Variants in ZMIZ1 observed in about 807,000 individuals in gnomAD.
The protein encoded by ZMIZ1 is zinc finger MIZ domain-containing protein 1.
Under a neutral mutation model 113.9 loss-of-function variants are expected in ZMIZ1, and 17 were observed. That is an observed-to-expected ratio of 0.15 (90% CI 0.10 to 0.22). ZMIZ1 has a LOEUF of 0.22. Among genes scored for constraint, ZMIZ1 ranks in the 10% least tolerant of loss-of-function variants. The pLI is 1.00. For missense variants in ZMIZ1, 1,059 were observed against 1,477.8 expected, an observed-to-expected ratio of 0.72 and a Z score of 4.65; for synonymous variants, 607 against 603.1, an observed-to-expected ratio of 1.01 and a Z score of -0.09.
Position 79,118,916 on chromosome 10 carries a change from A to G in ZMIZ1, c.-335A>G. On this transcript the variant is annotated splice_region_variant and 5_prime_UTR_variant, in exon 2 of 25. Coordinates refer to ENST00000334512, the MANE Select transcript of ZMIZ1 (RefSeq NM_020338.4). This position sits in a 1 kb window ranked among gnomAD's most constrained non-coding sequence, Gnocchi z 4.1. Reference sequence around the variant, plus strand: ...TGCCCCCTTTCTTGTCTCCCATAGGACTCACGGCAGCTGTGTTCTGATTTC... The same window carrying G: ...TGCCCCCTTTCTTGTCTCCCATAGGGCTCACGGCAGCTGTGTTCTGATTTC... The G allele has an allele frequency of 6.6e-6, 1 of 152,020 alleles. No individual in the cohort carries two copies. Among genetic ancestry groups the G allele is most frequent in the Non-Finnish European group, 1.5e-5 (1 of 68,006 alleles). 9.4% of individuals were successfully genotyped at this position (152,020 alleles called of 1,614,324 possible).
rs534978947 is a variant in ZMIZ1 at position 79,278,577 on chromosome 10, G to T, written c.425+1252G>T. ...GGTCTCTGGTTTTCCTAGGCAGAGG[G>T]TCCTGCCGCCCTCCGCAGTGTTTGT... is the stretch of plus-strand genomic sequence containing the variant. On this transcript the variant is annotated intron_variant, in intron 8 of 24. Coordinates refer to ENST00000334512, the MANE Select transcript of ZMIZ1 (RefSeq NM_020338.4). 6.7e-3 allele frequency among the ~76,000 whole-genome samples: 972 copies of T among 145,562 alleles called. 5 individuals are homozygous for T. Among genetic ancestry groups the T allele is most frequent in the Middle Eastern group, 0.011 (3 of 268 alleles).
intron 6 of ZMIZ1, 108 bp downstream of exon 6, chr10:79,208,557 A>G: frequency 1.1e-6 from 1 of 922,498 alleles, no homozygotes; most frequent in South Asian, 1.6e-5. Flanking sequence ...AGGTGACACC[A>G]GTGAGAGAGC....
At chr10:79,224,491 C>T (rs773622496) in intron 7 of ZMIZ1, among the ~76,000 whole-genome samples, 3 of 152,080 alleles carry the variant, frequency 2.0e-5, no homozygotes, top group African/African-American at 7.2e-5. Flanking sequence ...CACTGGCCCC[C>T]CTGCCTACAG....
intron 7 of ZMIZ1, among the ~76,000 whole-genome samples, chr10:79,274,349 GCAGA>G (rs1003137161): frequency 6.6e-6 from 1 of 152,112 alleles, no homozygotes; most frequent in Non-Finnish European, 1.5e-5. Context: ...CCTAATTAGA[GCAGA>G]CAGACTTCCC....
chr10:79,200,331 G>A (rs374424203), intron 4 of ZMIZ1, among the ~76,000 whole-genome samples: 2 of 152,320 alleles, frequency 1.3e-5, no homozygotes, highest in East Asian at 3.9e-4. Context: ...GGTGGACTAG[G>A]GCTGTACAGT....
chr10:79,251,062 C>T (rs976657791), intron 7 of ZMIZ1, among the ~76,000 whole-genome samples: 2 of 152,106 alleles, frequency 1.3e-5, no homozygotes, highest in Non-Finnish European at 1.5e-5. Flanking sequence ...TTGTAGAGAT[C>T]GAGGAGGTGA....
intron 2 of ZMIZ1, among the ~76,000 whole-genome samples, chr10:79,123,138 G>A (rs748553321): frequency 2.6e-5 from 4 of 152,202 alleles, no homozygotes; most frequent in Non-Finnish European, 5.9e-5. Context: ...GGCAAAGGCT[G>A]GCCACAGATG....
intron 2 of ZMIZ1, among the ~76,000 whole-genome samples, chr10:79,132,623 A>T (rs1490526448): frequency 6.6e-6 from 1 of 152,176 alleles, no homozygotes; most frequent in Non-Finnish European, 1.5e-5. Context: ...TTTGTTTTGG[A>T]GACTAGAATG....
intron 4 of ZMIZ1, among the ~76,000 whole-genome samples, chr10:79,197,451 C>G (rs1010819985): frequency 2.0e-5 from 3 of 152,186 alleles, no homozygotes; most frequent in Non-Finnish European, 4.4e-5. Flanking sequence ...TGGTTTGTCC[C>G]TGACCCCAGG....
At chr10:79,079,669 G>T (rs1003381081) in intron 1 of ZMIZ1, among the ~76,000 whole-genome samples, 10 of 152,346 alleles carry the variant, frequency 6.6e-5, no homozygotes, top group African/African-American at 2.2e-4. Flanking sequence ...TGAGTGAGTG[G>T]CAGGCAGGCA....
Position 79,292,335 on chromosome 10 carries a change from G to A in ZMIZ1, c.936G>A (p.Lys312=). The A allele has an allele frequency of 6.2e-7, 1 of 1,613,066 alleles. No individual in the cohort carries two copies. Among genetic ancestry groups the A allele is most frequent in the Non-Finnish European group, 8.5e-7 (1 of 1,179,478 alleles). The change falls in exon 11 of 25, where the codon AAG becomes AAA. Residue 312 remains lysine, a synonymous_variant. Coordinates refer to ENST00000334512, the MANE Select transcript of ZMIZ1 (RefSeq NM_020338.4). The stretch of plus-strand genomic sequence containing the variant: ...CAGCCCTGCAGGAGACACAGAACAA[G>A]GATATAAACCAGTATGGACCGGTAA... ...TVAALQETQN[K]DINQYGPMGP...
In ZMIZ1 at chr10:79,101,091, G is replaced by A. The variant is rs74141680; in HGVS notation, c.-336-17824G>A. Among the ~76,000 whole-genome samples the A allele has an allele frequency of 7.1e-3, 1,074 of 152,310 alleles. 13 individuals are homozygous for A. Among genetic ancestry groups the A allele is most frequent in the African/African-American group, 0.025 (1,041 of 41,568 alleles). On this transcript the variant is annotated intron_variant, in intron 1 of 24. Coordinates refer to ENST00000334512, the MANE Select transcript of ZMIZ1 (RefSeq NM_020338.4). Reference sequence around the variant, plus strand: ...GGGGTCCACAGAGGGGCTGCAGGGTGTGGACTTGGCTGCAGCAAGGAGAGA... The same window carrying A: ...GGGGTCCACAGAGGGGCTGCAGGGTATGGACTTGGCTGCAGCAAGGAGAGA...
chr10:79,115,270 C>G (rs541515655), intron 1 of ZMIZ1, among the ~76,000 whole-genome samples: 1 of 152,188 alleles, frequency 6.6e-6, no homozygotes, highest in Non-Finnish European at 1.5e-5. Context: ...CCCAGCTGCC[C>G]TTGTGGGCTT....
At chr10:79,248,531 C>T (rs1408724093) in intron 7 of ZMIZ1, among the ~76,000 whole-genome samples, 6 of 152,144 alleles carry the variant, frequency 3.9e-5, no homozygotes, top group Admixed American at 3.9e-4. Context: ...AGGAATCGGG[C>T]ATAGAAGTTG....
At chr10:79,293,226 TG>T in intron 11 of ZMIZ1, 154 bp from the exon 12 acceptor site, 1 of 784,038 alleles carries the variant, frequency 1.3e-6, no homozygotes, top group Non-Finnish European at 1.8e-6. Context: ...CCTGCTCCCC[TG>T]GGGCCTGGTT....
intron 22 of ZMIZ1, 68 bp from the exon 23 acceptor site, chr10:79,307,337 C>G: frequency 6.7e-7 from 1 of 1,493,726 alleles, no homozygotes; most frequent in Non-Finnish European, 9.3e-7. Context: ...TACACACTCT[C>G]TGTTCCCTGG....
At chr10:79,250,210 TCTCCACCCAG>T (rs1296663322) in intron 7 of ZMIZ1, among the ~76,000 whole-genome samples, 7 of 152,238 alleles carry the variant, frequency 4.6e-5, no homozygotes, top group Admixed American at 3.9e-4. Flanking sequence ...GACTGGGTTC[TCTCCACCCAG>T]CTCCACCACC....
At chr10:79,278,177 A>G (rs1415083417) in intron 8 of ZMIZ1, among the ~76,000 whole-genome samples, 1 of 152,192 alleles carries the variant, frequency 6.6e-6, no homozygotes, top group Non-Finnish European at 1.5e-5. Flanking sequence ...TCTGAGCTGG[A>G]AAGGACCTTA....
At chr10:79,310,432 T>C (rs1481692823) in intron 23 of ZMIZ1, among the ~76,000 whole-genome samples, 2 of 152,110 alleles carry the variant, frequency 1.3e-5, no homozygotes, top group Non-Finnish European at 2.9e-5. Flanking sequence ...ACTTGGGAGG[T>C]GCAGACCCAG....
Sources: allele counts gnomAD v4.1 joint callset (sites outside exome capture counted in the v4.1 genomes callset), GRCh38; gene constraint gnomAD v4.1.1; non-coding constraint Gnocchi (gnomAD v3.1); transcripts MANE v1.5; gene names NCBI Gene and HGNC (gene_info 2026-07-23, HGNC 2026-07-21).